The following PTN variants were observed in gnomAD, a reference collection of about 807,000 sequenced individuals.
The protein encoded by PTN is pleiotrophin.
A neutral mutation model predicts 24.1 loss-of-function variants in PTN; 18 were observed. The observed-to-expected ratio is 0.75, with a 90% CI of 0.52 to 1.11. PTN has a LOEUF of 1.11. PTN is among the 50% of genes least tolerant of loss of function. The pLI, the probability that PTN is intolerant of heterozygous loss-of-function variation, is 0.00. For synonymous variants in PTN, 78 were observed against 68.6 expected (o/e 1.14, Z -0.67); for missense variants, 163 against 198.8 (o/e 0.82, Z 1.08).
intron 1 of PTN, among the ~76,000 whole-genome samples, chr7:137,255,504 T>A (rs1440454577): frequency 6.6e-6 from 1 of 152,258 alleles, no homozygotes; most frequent in Non-Finnish European, 1.5e-5. Flanking sequence ...CTTTTTAAAA[T>A]CATTGTCATA....
At chr7:137,244,218 C>T (rs1808682819) in intron 4 of PTN, among the ~76,000 whole-genome samples, 1 of 152,080 alleles carries the variant, frequency 6.6e-6, no homozygotes, top group African/African-American at 2.4e-5. Flanking sequence ...TTCAGTCAAG[C>T]AATGAACCTT....
intron 1 of PTN, among the ~76,000 whole-genome samples, chr7:137,302,466 T>A (rs775774767): frequency 2.0e-5 from 3 of 151,932 alleles, no homozygotes; most frequent in South Asian, 2.1e-4. Flanking sequence ...GAAGGATAGA[T>A]TAGACAAAGC....
At chr7:137,314,545 C>A (rs1810037224) in intron 1 of PTN, among the ~76,000 whole-genome samples, 1 of 150,952 alleles carries the variant, frequency 6.6e-6, no homozygotes, top group African/African-American at 2.4e-5. Flanking sequence ...ATACATTATG[C>A]CTATTTTTAT....
Position 137,278,326 on chromosome 7 carries a change from A to T in PTN, c.-1-23352T>A, listed in dbSNP as rs995356635. 4.7e-3 allele frequency among the ~76,000 whole-genome samples: 696 copies of T among 149,638 alleles called. 6 individuals are homozygous for T. The highest frequency in any genetic ancestry group is 7.3e-3 in the Non-Finnish European group (494 of 67,338). The stretch of plus-strand genomic sequence containing the variant: ...CGTCTCAAAAAAAAAAAAAAAAAAA[A>T]AAAAAAAAAAAATGACTACTAATCA... On this transcript the variant is annotated intron_variant, in intron 1 of 4. Coordinates refer to ENST00000348225, the MANE Select transcript of PTN (RefSeq NM_002825.7).
At chr7:137,281,895 T>C (rs1809480607) in intron 1 of PTN, among the ~76,000 whole-genome samples, 1 of 152,230 alleles carries the variant, frequency 6.6e-6, no homozygotes, top group Admixed American at 6.5e-5. Context: ...AAGTAATCAA[T>C]ATTATTTCAG....
chr7:137,337,795 G>A (rs969457903), intron 1 of PTN, among the ~76,000 whole-genome samples: 19 of 152,156 alleles, frequency 1.2e-4, no homozygotes, highest in African/African-American at 4.6e-4. Context: ...GCTTAAACAG[G>A]AAATTGGCAC....
At chr7:137,275,876 A>G (rs1809351826) in intron 1 of PTN, among the ~76,000 whole-genome samples, 2 of 152,216 alleles carry the variant, frequency 1.3e-5, no homozygotes, top group African/African-American at 2.4e-5. Context: ...GAAACAACTC[A>G]GTATAGCTTT....
intron 1 of PTN, among the ~76,000 whole-genome samples, chr7:137,306,723 T>C (rs566174104): frequency 1.4e-4 from 22 of 152,268 alleles, no homozygotes; most frequent in South Asian, 6.2e-4. Flanking sequence ...CTAGAATTTA[T>C]CTTTACATCA....
At chr7:137,278,187 G>A (rs1585026235) in intron 1 of PTN, among the ~76,000 whole-genome samples, 1 of 149,962 alleles carries the variant, frequency 6.7e-6, no homozygotes. Flanking sequence ...GGCGCCTGTA[G>A]TCCCAGCTAC....
intron 1 of PTN, among the ~76,000 whole-genome samples, chr7:137,261,950 T>G (rs1363923441): frequency 6.6e-6 from 1 of 152,216 alleles, no homozygotes; most frequent in Non-Finnish European, 1.5e-5. Context: ...TATGGCCAGT[T>G]TTTACACAGA....
intron 1 of PTN, among the ~76,000 whole-genome samples, chr7:137,302,335 C>T (rs533703482): frequency 6.6e-6 from 1 of 152,096 alleles, no homozygotes; most frequent in East Asian, 1.9e-4. Context: ...TTCCAAGTTG[C>T]ATGAACCTTG....
chr7:137,236,866 T>C (rs951360105), intron 4 of PTN, among the ~76,000 whole-genome samples: 1 of 152,122 alleles, frequency 6.6e-6, no homozygotes, highest in Admixed American at 6.6e-5. Context: ...TATCTAATGT[T>C]TAATATAATA....
chr7:137,241,389 T>C (rs1186949409), intron 4 of PTN, among the ~76,000 whole-genome samples: 1 of 152,214 alleles, frequency 6.6e-6, no homozygotes, highest in Non-Finnish European at 1.5e-5. Flanking sequence ...CACTAAACTT[T>C]ACTCAAAACA....
At chr7:137,285,798 TC>T (rs1329873645) in intron 1 of PTN, among the ~76,000 whole-genome samples, 1 of 152,258 alleles carries the variant, frequency 6.6e-6, no homozygotes, top group Non-Finnish European at 1.5e-5. Context: ...GTGTCCTATA[TC>T]ATCTTTCTAC....
intron 1 of PTN, among the ~76,000 whole-genome samples, chr7:137,258,064 T>C (rs1345462982): frequency 1.4e-4 from 22 of 152,210 alleles, no homozygotes; most frequent in Admixed American, 1.4e-3. Flanking sequence ...TCTAGTTTTA[T>C]ATTGTTAAAC....
At chr7:137,241,573 T>C (rs760917747) in intron 4 of PTN, among the ~76,000 whole-genome samples, 1 of 152,138 alleles carries the variant, frequency 6.6e-6, no homozygotes, top group Admixed American at 6.5e-5. Context: ...CTTACAGTGC[T>C]TCATTTTGTC....
intron 1 of PTN, among the ~76,000 whole-genome samples, chr7:137,302,540 T>C (rs1809822858): frequency 6.6e-6 from 1 of 151,986 alleles, no homozygotes; most frequent in Admixed American, 6.6e-5. Flanking sequence ...TTATACCAAA[T>C]ATCACAAGGA....
rs551949227 is a variant in PTN at position 137,342,379 on chromosome 7, G to A, written c.-2+1060C>T. Among the ~76,000 whole-genome samples, 3 of 152,094 alleles carry A rather than the reference G, an allele frequency of 2.0e-5. No homozygotes were observed. The East Asian group carries it at 5.8e-4, about 29-fold the overall frequency. ...CCTGATAACTCTTAAAATGAGAGAT[G>A]CTCAAGGACCGCAGCTTTAATATTT... is the stretch of plus-strand genomic sequence containing the variant. On this transcript the variant is annotated intron_variant, in intron 1 of 4. Coordinates refer to ENST00000348225, the MANE Select transcript of PTN (RefSeq NM_002825.7).
intron 1 of PTN, among the ~76,000 whole-genome samples, chr7:137,283,516 TTG>T (rs1019704552): frequency 6.6e-6 from 1 of 152,174 alleles, no homozygotes; most frequent in Non-Finnish European, 1.5e-5. Context: ...GAGAAAAATC[TTG>T]TTAGAAGCCT....
Sources: gnomAD v4.1 joint callset for allele counts (sites outside exome capture counted in the v4.1 genomes callset) on GRCh38, gnomAD v4.1.1 for gene constraint, MANE v1.5 for transcripts, NCBI Gene and HGNC (gene_info 2026-07-23, HGNC 2026-07-21) for gene names.